The following ZNF626 variants were observed in gnomAD, a reference collection of about 807,000 sequenced individuals.
The protein encoded by ZNF626 is CTC-513N18.7.
ZNF626 carries 4 observed loss-of-function variants against 11.7 expected under a neutral mutation model. That is an observed-to-expected ratio of 0.34 (90% CI 0.17 to 0.78). The LOEUF (loss-of-function observed/expected upper bound fraction) is 0.78, where lower values mean the gene tolerates loss of function less well. Among genes scored for constraint, ZNF626 ranks in the 30% least tolerant of loss-of-function variants. The pLI is 0.57. For missense variants in ZNF626, 588 were observed against 587.1 expected, an observed-to-expected ratio of 1.00 and a Z score of -0.01; for synonymous variants, 179 against 198.6, an observed-to-expected ratio of 0.90 and a Z score of 0.83.
At chr19:20,636,298 C>T (rs1202414392) in intron 3 of ZNF626, among the ~76,000 whole-genome samples, 1 of 152,078 alleles carries the variant, frequency 6.6e-6, no homozygotes, top group East Asian at 1.9e-4. Context: ...TAATTTTGCT[C>T]TTCACTGTCT....
rs757753744 is a variant in ZNF626 at position 20,645,574 on chromosome 19, T to C, written c.226+110A>G. On this transcript the variant is annotated intron_variant, in intron 3 of 3. Transcript: ENST00000601440. The stretch of plus-strand genomic sequence containing the variant: ...ACAAAAAATAGCTGCCCAAGAACTA[T>C]TTCCTTTGGAACACAGCTCCCCAAA... The C allele has an allele frequency of 8.2e-5, 128 of 1,555,962 alleles. 1 individual carries two copies. Among genetic ancestry groups the C allele is most frequent in the Non-Finnish European group, 1.1e-4 (126 of 1,157,064 alleles).
chr19:20,627,677 CAA>C (rs1555769924), intron 3 of ZNF626, among the ~76,000 whole-genome samples: 1 of 151,936 alleles, frequency 6.6e-6, no homozygotes, highest in East Asian at 1.9e-4. Context: ...TTTTAAAAAT[CAA>C]GAGTCAACTT....
rs1969747907 is a variant in ZNF626, at chr19:20,620,727, G to C, written c.*3563C>G. ...AATTTTTCTATTTTTAGTAGAGACAGGGTTTCACCACATTGGCGAGGCTGG... is the reference window on the plus strand; with the variant it reads ...AATTTTTCTATTTTTAGTAGAGACACGGTTTCACCACATTGGCGAGGCTGG... On this transcript the variant is annotated 3_prime_UTR_variant, in exon 4 of 4. Coordinates refer to ENST00000601440, the MANE Select transcript of ZNF626 (RefSeq NM_001076675.3). 1 of 152,148 alleles carries C rather than the reference G, an allele frequency of 6.6e-6. No homozygotes were observed. Among genetic ancestry groups the C allele is most frequent in the African/African-American group, 2.4e-5 (1 of 41,412 alleles). The allele number at this position is 152,148 out of a possible 1,614,324, so 9.4% of individuals were successfully genotyped here.
intron 1 of ZNF626, among the ~76,000 whole-genome samples, chr19:20,658,899 A>G (rs933437597): frequency 1.3e-5 from 2 of 152,178 alleles, no homozygotes; most frequent in Non-Finnish European, 1.5e-5. Context: ...CTGAAGTTCA[A>G]TAATTTGGTA....
chr19:20,634,810 A>G (rs1457190271), intron 3 of ZNF626, among the ~76,000 whole-genome samples: 2 of 152,216 alleles, frequency 1.3e-5, no homozygotes, highest in Non-Finnish European at 2.9e-5. Context: ...GTACTCAATA[A>G]TCTTCAAGGA....
At chr19:20,640,631 C>A (rs1259079011) in intron 3 of ZNF626, among the ~76,000 whole-genome samples, 3 of 145,574 alleles carry the variant, frequency 2.1e-5, no homozygotes, top group Non-Finnish European at 3.0e-5. Flanking sequence ...TGAAAGGACA[C>A]AGAAAATTAC....
At position 20,620,176 on chromosome 19, in the gene ZNF626, CA is replaced by C. The variant is rs1369750701; in HGVS notation, c.*4113del. ...TACTCAAGAGTGTTATTTCTGGAGA[CA>C]AAGTTGCCTGTGCTTTAATACACGG... On this transcript the variant is annotated 3_prime_UTR_variant, in exon 4 of 4. Transcript: ENST00000601440. 1.3e-5 allele frequency: 2 copies of C among 152,042 alleles called. No homozygotes were observed. The highest frequency in any genetic ancestry group is 4.8e-5 in the African/African-American group (2 of 41,398). The allele number at this position is 152,042 out of a possible 1,614,324, so 9.4% of individuals were successfully genotyped here.
At chr19:20,627,467 C>A (rs1417504054) in intron 3 of ZNF626, among the ~76,000 whole-genome samples, 1 of 151,500 alleles carries the variant, frequency 6.6e-6, no homozygotes, top group Non-Finnish European at 1.5e-5. Flanking sequence ...TTTAAAAAAT[C>A]CTGGAAAAAT....
chr19:20,624,051 A>T lies in ZNF626; in HGVS notation c.*239T>A. ...CTCCAGTATGAATTATCTTATGTGC[A>T]GTAAGGTGTGAGGATAGGTGAAAAG... On this transcript the variant is annotated 3_prime_UTR_variant, in exon 4 of 4. Transcript: ENST00000601440. 1.3e-6 allele frequency: 1 copy of T among 740,750 alleles called. No individual in the cohort carries two copies. The highest frequency in any genetic ancestry group is 2.4e-6 in the Non-Finnish European group (1 of 416,466). The allele number at this position is 740,750 out of a possible 1,614,324, so 45.9% of individuals were successfully genotyped here.
Position 20,624,254 on chromosome 19 carries a change from A to G in ZNF626, c.*36T>C, listed in dbSNP as rs782459033. ...GAGAAATGCTTAAAAGCTTTGTCACATTCTTCACATTTGTAGAATTTCTCT... is the reference window on the plus strand; with the variant it reads ...GAGAAATGCTTAAAAGCTTTGTCACGTTCTTCACATTTGTAGAATTTCTCT... On this transcript the variant is annotated 3_prime_UTR_variant, in exon 4 of 4. Transcript: ENST00000601440. 6.2e-7 allele frequency: 1 copy of G among 1,613,346 alleles called. No homozygotes were observed. Among genetic ancestry groups the G allele is most frequent in the Admixed American group, 1.7e-5 (1 of 59,944 alleles).
chr19:20,624,933 C>G lies in ZNF626; in HGVS notation c.944G>C (p.Cys315Ser). The change falls in exon 4 of 4, where the codon TGT becomes TCT. Residue 315 changes from cysteine to serine, a missense_variant. Physicochemically the swap from Cys to Ser is moderately radical, Grantham distance 112 (BLOSUM62 -1). Coordinates refer to ENST00000601440, the MANE Select transcript of ZNF626 (RefSeq NM_001076675.3). ...CTTAAAGGCTTTGTCACATTCTTCA[C>G]ATTTGTAGGGTTTTTCTCCAGTATG... ...IIHTGEKPYK[C>S]EECDKAFKYS... 6.2e-7 allele frequency: 1 copy of G among 1,613,732 alleles called. No individual in the cohort carries two copies. Among genetic ancestry groups the G allele is most frequent in the South Asian group, 1.1e-5 (1 of 91,074 alleles).
At chr19:20,646,205 T>C in intron 2 of ZNF626, 74 bp downstream of exon 2, 1 of 1,445,052 alleles carries the variant, frequency 6.9e-7, no homozygotes. Context: ...AAAGAATAAA[T>C]TACTAAAAAA....
At chr19:20,627,127 C>T (rs7247107) in intron 3 of ZNF626, among the ~76,000 whole-genome samples, 40,165 of 135,978 alleles carry the variant, frequency 0.3, 5,882 homozygotes, top group East Asian at 0.53. Flanking sequence ...AGCAAAAAAA[C>T]AAAAATTGTG....
intron 3 of ZNF626, among the ~76,000 whole-genome samples, chr19:20,630,456 C>T (rs1212928896): frequency 6.6e-6 from 1 of 152,108 alleles, no homozygotes; most frequent in African/African-American, 2.4e-5. Context: ...TCAATTTCAG[C>T]TCCTATTATT....
chr19:20,659,349 C>T lies in ZNF626; in HGVS notation c.3+2095G>A, dbSNP rs112260066. Among the ~76,000 whole-genome samples, 12 of 152,220 alleles carry T rather than the reference C, an allele frequency of 7.9e-5. 1 individual carries two copies. Among genetic ancestry groups the T allele is most frequent in the African/African-American group, 2.2e-4 (9 of 41,526 alleles). On this transcript the variant is annotated intron_variant, in intron 1 of 3. Coordinates refer to ENST00000601440, the MANE Select transcript of ZNF626 (RefSeq NM_001076675.3). ...CTGTCTCCATGGTTCAAGCAATTCT[C>T]CTGCCTCAGCCTCCCAAGTAGCTGG... is the stretch of plus-strand genomic sequence containing the variant.
At chr19:20,625,973 A>C (rs60343477) in intron 3 of ZNF626, among the ~76,000 whole-genome samples, 119 of 152,318 alleles carry the variant, frequency 7.8e-4, no homozygotes, top group African/African-American at 2.7e-3. Flanking sequence ...CTTTAAAAGT[A>C]AATTGTTGAC....
chr19:20,650,850 G>GT (rs1233614293), intron 1 of ZNF626, among the ~76,000 whole-genome samples: 3 of 152,104 alleles, frequency 2.0e-5, no homozygotes, highest in Non-Finnish European at 2.9e-5. Context: ...GTTTTCAAGG[G>GT]TAAGTTTATT....
chr19:20,633,603 T>A (rs2144772425), intron 3 of ZNF626, among the ~76,000 whole-genome samples: 1 of 152,334 alleles, frequency 6.6e-6, no homozygotes, highest in South Asian at 2.1e-4. Flanking sequence ...GTGAGGGATA[T>A]AATATCCTGG....
At chr19:20,656,846 G>C (rs947594839) in intron 1 of ZNF626, among the ~76,000 whole-genome samples, 3 of 152,100 alleles carry the variant, frequency 2.0e-5, no homozygotes, top group African/African-American at 7.2e-5. Flanking sequence ...TCTTCTGGTG[G>C]GAGTGTAAAT....
Sources: gnomAD v4.1 joint callset for allele counts (sites outside exome capture counted in the v4.1 genomes callset) on GRCh38, gnomAD v4.1.1 for gene constraint, MANE v1.5 for transcripts, NCBI Gene and HGNC (gene_info 2026-07-23, HGNC 2026-07-21) for gene names.